The following EXOC2 variants were observed in gnomAD, a reference collection of about 807,000 sequenced individuals.
EXOC2 encodes exocyst complex component 2, also known as SEC5-like 1.
In EXOC2, 70 loss-of-function variants were observed where a neutral mutation model predicts 131.8. The ratio of observed to expected loss-of-function variants is 0.53; its 90% CI spans 0.44 to 0.65. EXOC2 has a LOEUF of 0.65. EXOC2 is among the 30% of genes least tolerant of loss of function. EXOC2 has a pLI of 0.00. For synonymous variants in EXOC2, 411 were observed against 398.4 expected (o/e 1.03, Z -0.38); for missense variants, 923 against 1,108.6 (o/e 0.83, Z 2.38).
At position 491,131 on chromosome 6, in the gene EXOC2, T is replaced by G; in HGVS notation, c.2615A>C (p.Glu872Ala). The change falls in exon 26 of 28, where the codon GAA becomes GCA. Residue 872 changes from glutamate to alanine, a missense_variant. Physicochemically the swap from Glu to Ala is moderately radical, Grantham distance 107 (BLOSUM62 -1). Transcript: ENST00000230449. ...AAAGAACACTGCCACTTACTTGCTT[T>G]CGGGTGTCAGGTAAACAGCCACAGT... ...RDTVAVYLTP[E>A]SKSSFKQALE... 1 of 1,614,182 alleles carries G rather than the reference T, an allele frequency of 6.2e-7. No homozygotes were observed. Among genetic ancestry groups the G allele is most frequent in the East Asian group, 2.2e-5 (1 of 44,888 alleles).
intron 1 of EXOC2, among the ~76,000 whole-genome samples, chr6:663,865 T>C (rs963463750): frequency 6.6e-6 from 1 of 152,210 alleles, no homozygotes. Flanking sequence ...GCATTCCCTC[T>C]GAGAACGGGA....
At chr6:487,047 A>G (rs1008899777) in intron 27 of EXOC2, among the ~76,000 whole-genome samples, 1 of 152,186 alleles carries the variant, frequency 6.6e-6, no homozygotes, top group South Asian at 2.1e-4. Context: ...GTTTGGGCCT[A>G]TTCTTTTTTA....
At chr6:576,407 T>C (rs1292923556) in intron 12 of EXOC2, among the ~76,000 whole-genome samples, 1 of 152,254 alleles carries the variant, frequency 6.6e-6, no homozygotes, top group Non-Finnish European at 1.5e-5. Context: ...GGTATACTGA[T>C]ACTACTTTTA....
intron 13 of EXOC2, among the ~76,000 whole-genome samples, chr6:571,870 G>A (rs889043874): frequency 1.4e-4 from 21 of 152,296 alleles, no homozygotes; most frequent in African/African-American, 4.3e-4. Flanking sequence ...CTTTCATGGC[G>A]CACTTGAGGT....
chr6:579,774 AC>A (rs1411966906), intron 11 of EXOC2, among the ~76,000 whole-genome samples: 1 of 152,176 alleles, frequency 6.6e-6, no homozygotes, highest in African/African-American at 2.4e-5. Flanking sequence ...CAAAAAAAAA[AC>A]AAACAACTTG....
chr6:634,773 A>G (rs933479852), intron 2 of EXOC2, among the ~76,000 whole-genome samples: 2 of 152,170 alleles, frequency 1.3e-5, no homozygotes, highest in African/African-American at 4.8e-5. Context: ...ATTTTTAAAT[A>G]TATTCATTAT....
intron 24 of EXOC2, among the ~76,000 whole-genome samples, chr6:498,307 T>C (rs1465145702): frequency 6.6e-6 from 1 of 152,220 alleles, no homozygotes; most frequent in Non-Finnish European, 1.5e-5. Context: ...TAATAAAAGC[T>C]GCCTCACTAG....
chr6:550,614 G>A (rs1040830649), intron 21 of EXOC2, among the ~76,000 whole-genome samples: 1 of 152,192 alleles, frequency 6.6e-6, no homozygotes, highest in Non-Finnish European at 1.5e-5. Context: ...ACTCCTCCAC[G>A]TTTCGTGAAT....
At chr6:589,188 C>A (rs2127621327) in intron 11 of EXOC2, among the ~76,000 whole-genome samples, 1 of 152,346 alleles carries the variant, frequency 6.6e-6, no homozygotes, top group Non-Finnish European at 1.5e-5. Context: ...ACCACCTTTG[C>A]TGGAGAGCAG....
At chr6:687,773 C>T (rs1381992471) in intron 1 of EXOC2, among the ~76,000 whole-genome samples, 4 of 152,160 alleles carry the variant, frequency 2.6e-5, no homozygotes, top group African/African-American at 9.7e-5. Flanking sequence ...GTAGCTGAAA[C>T]CAGACAGCAC....
At chr6:522,369 G>A (rs368584861) in intron 23 of EXOC2, among the ~76,000 whole-genome samples, 5 of 151,660 alleles carry the variant, frequency 3.3e-5, no homozygotes, top group African/African-American at 9.7e-5. Flanking sequence ...AGGCCCATGC[G>A]GACTGCAGGA....
chr6:678,192 A>G (rs911017182), intron 1 of EXOC2, among the ~76,000 whole-genome samples: 1 of 152,224 alleles, frequency 6.6e-6, no homozygotes, highest in Admixed American at 6.5e-5. Context: ...CAGACAAATC[A>G]ACTTGTTCAG....
At chr6:672,890 T>C (rs1472971200) in intron 1 of EXOC2, among the ~76,000 whole-genome samples, 1 of 152,202 alleles carries the variant, frequency 6.6e-6, no homozygotes, top group Non-Finnish European at 1.5e-5. Flanking sequence ...TTAAAGTACA[T>C]TTTACAATTT....
intron 21 of EXOC2, among the ~76,000 whole-genome samples, chr6:552,057 C>A (rs1228541249): frequency 3.3e-5 from 5 of 152,230 alleles, no homozygotes; most frequent in Non-Finnish European, 5.9e-5. Flanking sequence ...TGACTGCCTT[C>A]CCCTGCAGGC....
rs150050770 is a variant in EXOC2, at chr6:614,617, T to A, written c.661+3094A>T. Among the ~76,000 whole-genome samples, 24 of 152,228 alleles carry A rather than the reference T, an allele frequency of 1.6e-4. No homozygotes were observed. The East Asian group carries it at 4.6e-3, about 29-fold the overall frequency. ...TTGGGGACTACTTATAAATATATTA[T>A]CATCAAGAGAATCTAAACCATCAAA... On this transcript the variant is annotated intron_variant, in intron 6 of 27. Coordinates refer to ENST00000230449, the MANE Select transcript of EXOC2 (RefSeq NM_018303.6).
At chr6:545,007 C>T (rs1191800576) in intron 22 of EXOC2, among the ~76,000 whole-genome samples, 7 of 151,368 alleles carry the variant, frequency 4.6e-5, no homozygotes, top group East Asian at 1.9e-4. Context: ...ATTAGCCGGG[C>T]GCAGTGGCGG....
chr6:599,505 A>T (rs3844192), intron 7 of EXOC2, among the ~76,000 whole-genome samples: 13,613 of 152,258 alleles, frequency 0.089, 1,044 homozygotes, highest in African/African-American at 0.21. Context: ...TTTTCATTAC[A>T]CTTCTAAACT....
chr6:680,635 G>C (rs1764360954), intron 1 of EXOC2, among the ~76,000 whole-genome samples: 1 of 152,178 alleles, frequency 6.6e-6, no homozygotes, highest in Non-Finnish European at 1.5e-5. Context: ...GTCTCCTTAA[G>C]AACGCTGACC....
At chr6:637,550 C>G (rs924522869) in intron 2 of EXOC2, 151 bp downstream of exon 2, 7 of 538,192 alleles carry the variant, frequency 1.3e-5, no homozygotes, top group Non-Finnish European at 2.2e-5. Context: ...CTCAGAAAGC[C>G]AGATAATTCT....
Sources: allele counts gnomAD v4.1 joint callset (sites outside exome capture counted in the v4.1 genomes callset), GRCh38; gene constraint gnomAD v4.1.1; transcripts MANE v1.5; gene names NCBI Gene and HGNC (gene_info 2026-07-23, HGNC 2026-07-21).